Variants in CASS4 observed in about 807,000 individuals in gnomAD.
The protein encoded by CASS4 is cas scaffolding protein family member 4.
Under a neutral mutation model 54.2 loss-of-function variants are expected in CASS4, and 22 were observed. The observed-to-expected ratio is 0.41, with a 90% CI of 0.29 to 0.58. CASS4 has a LOEUF of 0.58. Among genes scored for constraint, CASS4 ranks in the 20% least tolerant of loss-of-function variants. CASS4 has a pLI of 0.36. For synonymous variants in CASS4, 409 were observed against 391.5 expected (o/e 1.04, Z -0.53); for missense variants, 854 against 986.7 (o/e 0.87, Z 1.80).
chr20:56,454,078 G>A (rs748859774), intron 5 of CASS4, among the ~76,000 whole-genome samples: 4 of 152,100 alleles, frequency 2.6e-5, no homozygotes, highest in Non-Finnish European at 5.9e-5. Context: ...CTACTCAGGA[G>A]GCTGAGGCAG....
intron 2 of CASS4, among the ~76,000 whole-genome samples, chr20:56,441,610 AAAT>A (rs1480846774): frequency 3.9e-5 from 6 of 151,988 alleles, no homozygotes; most frequent in South Asian, 2.1e-4. Context: ...CGTCTCAAAA[AAAT>A]AATAATAATT....
intron 3 of CASS4, among the ~76,000 whole-genome samples, chr20:56,449,126 T>G (rs1194288886): frequency 6.6e-6 from 1 of 152,176 alleles, no homozygotes. Flanking sequence ...CCCAAAGGAT[T>G]ATAAATCATG....
In CASS4 at chr20:56,412,566, C is replaced by A; in HGVS notation, c.36+72C>A. ...TGTGATGATTAAGGGTGTTGACCAG[C>A]TTTAGTTGTGACTTTCTAATAAAGG... is the stretch of plus-strand genomic sequence containing the variant. On this transcript the variant is annotated intron_variant, in intron 1 of 5. Transcript: ENST00000679887. This position sits in a 1 kb window ranked among gnomAD's most constrained non-coding sequence, Gnocchi z 4.2. 1 of 1,488,724 alleles carries A rather than the reference C, an allele frequency of 6.7e-7. No individual in the cohort carries two copies. The highest frequency in any genetic ancestry group is 9.2e-7 in the Non-Finnish European group (1 of 1,086,568). 92.2% of individuals were successfully genotyped at this position (1,488,724 alleles called of 1,614,324 possible).
chr20:56,443,238 T>C (rs1317402516), intron 2 of CASS4, among the ~76,000 whole-genome samples: 2 of 151,166 alleles, frequency 1.3e-5, no homozygotes, highest in Non-Finnish European at 2.9e-5. Flanking sequence ...TCCTTCCACT[T>C]TGGGAGGCTG....
intron 5 of CASS4, among the ~76,000 whole-genome samples, chr20:56,454,747 A>G (rs1400226272): frequency 6.6e-6 from 1 of 152,224 alleles, no homozygotes; most frequent in Non-Finnish European, 1.5e-5. Context: ...GGTAAGCTAT[A>G]GCACTCACTC....
At chr20:56,413,867 A>G (rs549586837) in intron 1 of CASS4, among the ~76,000 whole-genome samples, 1 of 152,258 alleles carries the variant, frequency 6.6e-6, no homozygotes, top group East Asian at 1.9e-4. Context: ...AAATCCCTGC[A>G]TATCCTTCAC....
chr20:56,437,254 C>G lies in CASS4; in HGVS notation c.127C>G (p.Gln43Glu). The G allele has an allele frequency of 6.2e-7, 1 of 1,613,638 alleles. No individual in the cohort carries two copies. Among genetic ancestry groups the G allele is most frequent in the Non-Finnish European group, 8.5e-7 (1 of 1,179,764 alleles). The change falls in exon 2 of 6, where the codon CAA becomes GAA. Residue 43 changes from glutamine (Q) to glutamate (E), a missense_variant. Gln to Glu is a conservative substitution (Grantham distance 29). Coordinates refer to ENST00000679887, the MANE Select transcript of CASS4 (RefSeq NM_020356.4). This position sits in a 1 kb window ranked among gnomAD's most constrained non-coding sequence, Gnocchi z 4.7. ...AGGGGACATCCTGACCATTCTGGAG[C>G]AACACGTGCCAGAAAGCGAGGGTTG... Reference protein sequence around the residue: ...SRGDILTILEQHVPESEGWWK... With the variant: ...SRGDILTILEEHVPESEGWWK...
At position 56,437,717 on chromosome 20, in the gene CASS4, C is replaced by G. The variant is rs544258185; in HGVS notation, c.459+131C>G. On this transcript the variant is annotated intron_variant, in intron 2 of 5. Coordinates refer to ENST00000679887, the MANE Select transcript of CASS4 (RefSeq NM_020356.4). This position sits in a 1 kb window ranked among gnomAD's most constrained non-coding sequence, Gnocchi z 4.7. Reference sequence around the variant, plus strand: ...CGGGAGCCCAGATTGCTGGCAATCACGCTCGGGGAGCTTGTGTGCCAGGTT... The same window carrying G: ...CGGGAGCCCAGATTGCTGGCAATCAGGCTCGGGGAGCTTGTGTGCCAGGTT... 1.2e-6 allele frequency: 1 copy of G among 830,778 alleles called. No homozygotes were observed. Among genetic ancestry groups the G allele is most frequent in the Non-Finnish European group, 1.8e-6 (1 of 562,442 alleles). 51.5% of individuals were successfully genotyped at this position (830,778 alleles called of 1,614,324 possible). A position where few individuals can be genotyped will look rare whatever the true frequency, so the allele number is the denominator to read the frequency against.
rs371792476 is a variant in CASS4 at position 56,453,066 on chromosome 20, G to A, written c.1890G>A (p.Lys630=). ...ACCAAAAGAGTACCCCTTCCACTAA[G>A]CAAAGGGAAGATGAACACTCTTCTG... ...ESHQKSTPST[K]QREDEHSSEL... Residue 630 remains lysine, a synonymous_variant, in exon 5 of 6, where the codon AAG becomes AAA. Coordinates refer to ENST00000679887, the MANE Select transcript of CASS4 (RefSeq NM_020356.4). 26 of 1,613,938 alleles carry A rather than the reference G, an allele frequency of 1.6e-5. No individual in the cohort carries two copies. In the African/African-American group the frequency reaches 2.8e-4, roughly 17 times the overall value.
Position 56,459,800 on chromosome 20 carries a change from T to C in CASS4, c.*1053T>C, listed in dbSNP as rs1568685916. 1.3e-5 allele frequency: 2 copies of C among 152,514 alleles called. No individual in the cohort carries two copies. The highest frequency in any genetic ancestry group is 2.9e-5 in the Non-Finnish European group (2 of 68,300). The allele number at this position is 152,514 out of a possible 1,614,324, so 9.4% of individuals were successfully genotyped here. ...TGTTTTAAATTCACTCATTTAACAC[T>C]TATGTATTGGATGCCTACTACATGC... On this transcript the variant is annotated 3_prime_UTR_variant, in exon 6 of 6. Coordinates refer to ENST00000679887, the MANE Select transcript of CASS4 (RefSeq NM_020356.4).
In CASS4 at chr20:56,430,314, T is replaced by C. The variant is rs143544086; in HGVS notation, c.37-6850T>C. 1.2e-4 allele frequency among the ~76,000 whole-genome samples: 18 copies of C among 152,348 alleles called. No homozygotes were observed. In the East Asian group the frequency reaches 2.7e-3, roughly 23 times the overall value. The stretch of plus-strand genomic sequence containing the variant: ...CTTCCTTCCAAATGCATATTCATTT[T>C]CCTTTTCCCTCTCCCAGCTGTTGTA... On this transcript the variant is annotated intron_variant, in intron 1 of 5. Transcript: ENST00000679887. This position sits in a 1 kb window ranked among gnomAD's most constrained non-coding sequence, Gnocchi z 4.2.
chr20:56,450,743 T>A, intron 4 of CASS4, 64 bp downstream of exon 4: 1 of 1,513,966 alleles, frequency 6.6e-7, no homozygotes, highest in Non-Finnish European at 9.1e-7. Flanking sequence ...AGAAATGTTA[T>A]TAGCTTGGGG....
chr20:56,450,770 A>G, intron 4 of CASS4, 91 bp downstream of exon 4: 1 of 1,237,562 alleles, frequency 8.1e-7, no homozygotes, highest in Non-Finnish European at 1.2e-6. Context: ...ACGGTGGCTG[A>G]AGCCTGTAAT....
intron 1 of CASS4, among the ~76,000 whole-genome samples, chr20:56,425,335 C>A (rs554065924): frequency 3.3e-5 from 5 of 152,214 alleles, no homozygotes; most frequent in Non-Finnish European, 7.3e-5. Context: ...ATTTAACAGT[C>A]ATTCGTTGCC....
intron 1 of CASS4, among the ~76,000 whole-genome samples, chr20:56,417,978 C>T (rs1024490413): frequency 6.6e-6 from 1 of 152,142 alleles, no homozygotes; most frequent in Non-Finnish European, 1.5e-5. Flanking sequence ...TTCCACGAGG[C>T]AAAACAGCCC....
At chr20:56,454,974 C>T (rs1033307498) in intron 5 of CASS4, among the ~76,000 whole-genome samples, 1 of 152,122 alleles carries the variant, frequency 6.6e-6, no homozygotes, top group Admixed American at 6.5e-5. Context: ...ACTGTAGGGG[C>T]TCTGCAAGGT....
At chr20:56,451,685 C>G (rs1884910) in intron 4 of CASS4, 134 bp from the exon 5 acceptor site, 278,557 of 674,394 alleles carry the variant, frequency 0.41, 61,260 homozygotes, top group African/African-American at 0.71. Context: ...CAAAAGAATC[C>G]TGAAGGACCT....
chr20:56,454,380 G>C (rs1981187046), intron 5 of CASS4, among the ~76,000 whole-genome samples: 1 of 152,164 alleles, frequency 6.6e-6, no homozygotes, highest in Non-Finnish European at 1.5e-5. Flanking sequence ...GGTGGTGTAG[G>C]AGCTTTAACA....
At chr20:56,428,883 A>C (rs1007354401) in intron 1 of CASS4, among the ~76,000 whole-genome samples, 1 of 152,174 alleles carries the variant, frequency 6.6e-6, no homozygotes, top group Non-Finnish European at 1.5e-5. Context: ...GCCACAAAGC[A>C]CTAAAATGAG....
Sources: allele counts gnomAD v4.1 joint callset (sites outside exome capture counted in the v4.1 genomes callset), GRCh38; gene constraint gnomAD v4.1.1; non-coding constraint Gnocchi (gnomAD v3.1); transcripts MANE v1.5; gene names NCBI Gene and HGNC (gene_info 2026-07-23, HGNC 2026-07-21).